Variants in NTM observed in about 807,000 individuals in gnomAD.
The protein encoded by NTM is neurotrimin.
A neutral mutation model predicts 42.1 loss-of-function variants in NTM; 13 were observed. The observed-to-expected ratio is 0.31, with a 90% confidence interval of 0.20 to 0.49. NTM has a LOEUF of 0.49. Ranked by LOEUF, NTM falls within the 20% of genes least tolerant of loss-of-function variation. The pLI, the probability that NTM is intolerant of heterozygous loss-of-function variation, is 0.99. For missense variants in NTM, 373 were observed against 452.8 expected (o/e 0.82, Z 1.60); for synonymous variants, 187 against 179.2 (o/e 1.04, Z -0.35).
At chr11:131,740,223 T>A (rs990400351) in intron 1 of NTM, among the ~76,000 whole-genome samples, 1 of 152,096 alleles carries the variant, frequency 6.6e-6, no homozygotes, top group Non-Finnish European at 1.5e-5. Context: ...CACTTCTGGG[T>A]CTTTAGGAGA....
intron 1 of NTM, among the ~76,000 whole-genome samples, chr11:131,454,495 AGT>A (rs1215240290): frequency 6.6e-6 from 1 of 152,120 alleles, no homozygotes. Flanking sequence ...ACCCACTTTA[AGT>A]GGAGAGCAGA....
At chr11:131,613,695 C>T (rs1010668438) in intron 1 of NTM, among the ~76,000 whole-genome samples, 8 of 152,088 alleles carry the variant, frequency 5.3e-5, no homozygotes, top group Non-Finnish European at 8.8e-5. Context: ...TCATCCTTAC[C>T]CACTACTGAG....
At chr11:132,327,672 G>A (rs913973111) in intron 7 of NTM, among the ~76,000 whole-genome samples, 2 of 152,124 alleles carry the variant, frequency 1.3e-5, no homozygotes, top group African/African-American at 4.8e-5. Context: ...GGCTTTGCTG[G>A]CAAAAATATA....
intron 1 of NTM, among the ~76,000 whole-genome samples, chr11:131,449,651 C>T (rs1254590784): frequency 6.6e-6 from 1 of 152,238 alleles, no homozygotes; most frequent in Non-Finnish European, 1.5e-5. Flanking sequence ...TCCGTGCTCT[C>T]TCTGTTCTTG....
chr11:131,755,991 C>T (rs1163022194), intron 1 of NTM, among the ~76,000 whole-genome samples: 1 of 152,196 alleles, frequency 6.6e-6, no homozygotes, highest in African/African-American at 2.4e-5. Flanking sequence ...TATCACTGTC[C>T]TAACTTCTGG....
At chr11:131,836,061 T>A (rs535214285) in intron 1 of NTM, among the ~76,000 whole-genome samples, 35 of 152,312 alleles carry the variant, frequency 2.3e-4, no homozygotes, top group African/African-American at 7.7e-4. Flanking sequence ...GAAGACAGGC[T>A]GCAAGAATAG....
intron 1 of NTM, chr11:131,795,344 G>A: frequency 1.0e-6 from 1 of 969,152 alleles, no homozygotes; most frequent in Non-Finnish European, 1.2e-6. Flanking sequence ...CTTAATAAGT[G>A]GGAGATGTTA....
chr11:132,263,360 G>GT (rs2092987764), intron 4 of NTM, among the ~76,000 whole-genome samples: 1 of 152,182 alleles, frequency 6.6e-6, no homozygotes, highest in Admixed American at 6.5e-5. Context: ...TCATAGCTGA[G>GT]TAGTTCTAGG....
chr11:131,894,532 C>G (rs1291569318), intron 1 of NTM, among the ~76,000 whole-genome samples: 1 of 152,158 alleles, frequency 6.6e-6, no homozygotes, highest in Non-Finnish European at 1.5e-5. Flanking sequence ...AAACCCCAGG[C>G]AAAGGGCCTA....
chr11:131,506,798 A>G (rs901607531), intron 1 of NTM, among the ~76,000 whole-genome samples: 4 of 152,180 alleles, frequency 2.6e-5, no homozygotes, highest in Admixed American at 1.3e-4. Context: ...GGGCTCATGG[A>G]CACAAGACCT....
chr11:132,326,882 A>C (rs911797473), intron 7 of NTM, among the ~76,000 whole-genome samples: 6 of 152,214 alleles, frequency 3.9e-5, no homozygotes, highest in African/African-American at 1.2e-4. Context: ...ACCTTACCTC[A>C]GAAATACCAG....
chr11:131,406,313 C>T (rs976449392), intron 1 of NTM, among the ~76,000 whole-genome samples: 3 of 152,134 alleles, frequency 2.0e-5, no homozygotes, highest in Non-Finnish European at 4.4e-5. Flanking sequence ...TATCTAGAAA[C>T]TGGGACAAGT....
At chr11:131,440,067 G>T (rs1949488061) in intron 1 of NTM, among the ~76,000 whole-genome samples, 1 of 145,814 alleles carries the variant, frequency 6.9e-6, no homozygotes. Context: ...TTTTCTTTCT[G>T]GCAGTTTTTT....
At chr11:131,814,462 A>T (rs2136338744) in intron 1 of NTM, among the ~76,000 whole-genome samples, 1 of 152,336 alleles carries the variant, frequency 6.6e-6, no homozygotes, top group African/African-American at 2.4e-5. Flanking sequence ...TGTCATCCTG[A>T]AAGCACAGGT....
intron 1 of NTM, among the ~76,000 whole-genome samples, chr11:131,692,271 C>T (rs1186749001): frequency 6.6e-6 from 1 of 152,228 alleles, no homozygotes; most frequent in Admixed American, 6.5e-5. Flanking sequence ...ATCTCCCATG[C>T]AGATCTCTGA....
chr11:131,886,955 G>A (rs578223670), intron 1 of NTM, among the ~76,000 whole-genome samples: 2 of 152,294 alleles, frequency 1.3e-5, no homozygotes, highest in East Asian at 1.9e-4. Context: ...CTCCGCAAGC[G>A]AGCACTACCA....
intron 1 of NTM, among the ~76,000 whole-genome samples, chr11:131,377,990 G>T (rs1942192413): frequency 6.6e-6 from 1 of 152,170 alleles, no homozygotes. Flanking sequence ...ATCCTCAGTG[G>T]GTAGGTGCAA....
At chr11:131,795,506 T>C in intron 1 of NTM, 1 of 985,402 alleles carries the variant, frequency 1.0e-6, no homozygotes, top group Non-Finnish European at 1.2e-6. Flanking sequence ...TTTATTGCTC[T>C]TGTTTATTCG....
intron 1 of NTM, among the ~76,000 whole-genome samples, chr11:131,510,838 C>T (rs1366018038): frequency 1.3e-5 from 2 of 151,844 alleles, no homozygotes; most frequent in Non-Finnish European, 2.9e-5. Context: ...GGCCTTCTGC[C>T]CCGTCCTGGC....
Sources: allele counts gnomAD v4.1 joint callset (sites outside exome capture counted in the v4.1 genomes callset), GRCh38; gene constraint gnomAD v4.1.1; transcripts MANE v1.5; gene names NCBI Gene and HGNC (gene_info 2026-07-23, HGNC 2026-07-21).